The following NCK1 variants were observed in gnomAD, a reference collection of about 807,000 sequenced individuals.
NCK1 encodes the protein SH2/SH3 adapter protein NCK1.
Under a neutral mutation model 36.6 loss-of-function variants are expected in NCK1, and 19 were observed. The observed-to-expected ratio is 0.52, with a 90% CI of 0.36 to 0.76. The LOEUF is 0.76. NCK1 is among the 30% of genes least tolerant of loss of function. The probability of loss-of-function intolerance (pLI) is 0.00; values close to 1 mark genes in which losing one functional copy is unlikely to be tolerated. For missense variants in NCK1, 358 were observed against 445.6 expected, an observed-to-expected ratio of 0.80 and a Z score of 1.77; for synonymous variants, 165 against 156.0, an observed-to-expected ratio of 1.06 and a Z score of -0.43.
At chr3:136,921,858 A>ACTGCAGTCTCCGCCTCCCAG (rs1249315157) in intron 1 of NCK1, among the ~76,000 whole-genome samples, 6 of 152,192 alleles carry the variant, frequency 3.9e-5, no homozygotes, top group Non-Finnish European at 8.8e-5. Context: ...ATCTCAGCTC[A>ACTGCAGTCTCCGCCTCCCAG]CTGCAGTCTC....
chr3:136,925,453 TACAATATCACA>T (rs1373858898), intron 1 of NCK1, among the ~76,000 whole-genome samples: 1 of 152,204 alleles, frequency 6.6e-6, no homozygotes, highest in Non-Finnish European at 1.5e-5. Context: ...AGAAGTATAG[TACAATATCACA>T]ATAATATTAC....
chr3:136,882,547 C>CTGTGTGTGTG (rs35463509), intron 1 of NCK1, among the ~76,000 whole-genome samples: 122 of 143,490 alleles, frequency 8.5e-4, no homozygotes, highest in South Asian at 2.3e-3. Context: ...TCCCACATCA[C>CTGTGTGTGTG]TGTGTGTGTG....
At chr3:136,876,362 G>A (rs1161702679) in intron 1 of NCK1, among the ~76,000 whole-genome samples, 1 of 152,118 alleles carries the variant, frequency 6.6e-6, no homozygotes, top group Non-Finnish European at 1.5e-5. Context: ...AATGAATCCA[G>A]GAGCTGGTTT....
At chr3:136,868,690 C>T (rs895345677) in intron 1 of NCK1, among the ~76,000 whole-genome samples, 10 of 152,160 alleles carry the variant, frequency 6.6e-5, no homozygotes, top group African/African-American at 1.9e-4. Flanking sequence ...TTTACTGCTG[C>T]AATTTAGTTT....
intron 2 of NCK1, among the ~76,000 whole-genome samples, chr3:136,942,885 A>G (rs1049840393): frequency 6.6e-6 from 1 of 152,252 alleles, no homozygotes; most frequent in Non-Finnish European, 1.5e-5. Context: ...GATTCAAGTC[A>G]GGCAAAGCCA....
At chr3:136,917,475 G>T (rs1939999531) in intron 1 of NCK1, among the ~76,000 whole-genome samples, 1 of 152,078 alleles carries the variant, frequency 6.6e-6, no homozygotes. Context: ...ATCCTTTGGG[G>T]GTTTTTCTCC....
rs1938242011 is a variant in NCK1 at position 136,862,296 on chromosome 3, G to C, written c.-76G>C. Reference sequence around the variant, plus strand: ...CGTTACGGCCATCACGGCGGCCGCAGTGGCGTCCTGGAGCCCTCCTCAGGT... The same window carrying C: ...CGTTACGGCCATCACGGCGGCCGCACTGGCGTCCTGGAGCCCTCCTCAGGT... On this transcript the variant is annotated 5_prime_UTR_variant, in exon 1 of 4. Transcript: ENST00000481752. The C allele has an allele frequency of 6.6e-6, 1 of 152,666 alleles. No individual in the cohort carries two copies. The highest frequency in any genetic ancestry group is 2.4e-5 in the African/African-American group (1 of 41,452). The allele number at this position is 152,666 out of a possible 1,614,324, so 9.5% of individuals were successfully genotyped here.
intron 1 of NCK1, among the ~76,000 whole-genome samples, chr3:136,876,722 C>G (rs910052374): frequency 6.6e-6 from 1 of 151,844 alleles, no homozygotes; most frequent in Non-Finnish European, 1.5e-5. Context: ...TTTCTCATCT[C>G]TAGTATGAGA....
intron 1 of NCK1, among the ~76,000 whole-genome samples, chr3:136,877,759 C>T (rs973529056): frequency 5.1e-4 from 78 of 152,052 alleles, no homozygotes; most frequent in African/African-American, 1.8e-3. Context: ...TCCTAAGTGG[C>T]GGGAGCAAAA....
At chr3:136,925,836 TG>T (rs1940222673) in intron 1 of NCK1, among the ~76,000 whole-genome samples, 2 of 152,258 alleles carry the variant, frequency 1.3e-5, no homozygotes, top group African/African-American at 2.4e-5. Flanking sequence ...TTCATTTCTC[TG>T]GGATAAATAC....
At chr3:136,934,117 C>T (rs1490985021) in intron 2 of NCK1, among the ~76,000 whole-genome samples, 2 of 151,888 alleles carry the variant, frequency 1.3e-5, no homozygotes, top group Non-Finnish European at 2.9e-5. Flanking sequence ...TACACATAGA[C>T]TTCTAAAAAT....
chr3:136,901,272 T>A (rs534166908), intron 1 of NCK1, among the ~76,000 whole-genome samples: 207 of 152,182 alleles, frequency 1.4e-3, no homozygotes, highest in African/African-American at 4.7e-3. Flanking sequence ...GGTGTATTTT[T>A]TTTTTTTTAA....
At chr3:136,922,204 A>G (rs1175419427) in intron 1 of NCK1, among the ~76,000 whole-genome samples, 2 of 152,252 alleles carry the variant, frequency 1.3e-5, no homozygotes, top group Non-Finnish European at 2.9e-5. Context: ...GGTACAAATT[A>G]GGCCCACCAA....
chr3:136,917,101 G>C (rs1939987244), intron 1 of NCK1, among the ~76,000 whole-genome samples: 1 of 152,128 alleles, frequency 6.6e-6, no homozygotes, highest in South Asian at 2.1e-4. Context: ...GTGGAGCATT[G>C]GTTCAGTTTA....
At chr3:136,945,432 G>T (rs1940785542) in intron 2 of NCK1, 151 bp from the exon 3 acceptor site, 1 of 529,614 alleles carries the variant, frequency 1.9e-6, no homozygotes, top group Non-Finnish European at 3.1e-6. Flanking sequence ...TTTCCAAAAA[G>T]ATGATTTTTA....
chr3:136,877,929 A>T (rs1242098980), intron 1 of NCK1, among the ~76,000 whole-genome samples: 4 of 152,176 alleles, frequency 2.6e-5, no homozygotes, highest in African/African-American at 9.7e-5. Context: ...GATGTCCATC[A>T]GCTGATAAAT....
intron 1 of NCK1, among the ~76,000 whole-genome samples, chr3:136,866,078 G>A (rs1477457835): frequency 2.6e-5 from 4 of 151,842 alleles, no homozygotes; most frequent in Non-Finnish European, 4.4e-5. Context: ...TTCACTTTTC[G>A]GAAACCAGTG....
chr3:136,863,362 T>C (rs1938304056), intron 1 of NCK1, among the ~76,000 whole-genome samples: 1 of 152,236 alleles, frequency 6.6e-6, no homozygotes, highest in Non-Finnish European at 1.5e-5. Context: ...GAAACCAGTG[T>C]GCCTAGACTC....
chr3:136,888,776 C>T (rs1939146070), intron 1 of NCK1, among the ~76,000 whole-genome samples: 1 of 152,198 alleles, frequency 6.6e-6, no homozygotes, highest in African/African-American at 2.4e-5. Flanking sequence ...TATACATTTG[C>T]TCATTCTGAA....
Sources: allele counts gnomAD v4.1 joint callset (sites outside exome capture counted in the v4.1 genomes callset), GRCh38; gene constraint gnomAD v4.1.1; transcripts MANE v1.5; gene names NCBI Gene and HGNC (gene_info 2026-07-23, HGNC 2026-07-21).